COL4A5: variants seen among roughly 807,000 people sequenced by gnomAD.
COL4A5 encodes collagen type IV alpha 5 chain, also known as collagen alpha-5(IV) chain.
Under a neutral mutation model 130.2 loss-of-function variants are expected in COL4A5, and 26 were observed. That is an observed-to-expected ratio of 0.20 (90% CI 0.15 to 0.28). The LOEUF (loss-of-function observed/expected upper bound fraction) is 0.28. Among genes scored for constraint, COL4A5 ranks in the 10% least tolerant of loss-of-function variants. The pLI is 1.00. For synonymous variants in COL4A5, 496 were observed against 439.6 expected, an observed-to-expected ratio of 1.13 and a Z score of -1.60; for missense variants, 1,131 against 1,344.3, an observed-to-expected ratio of 0.84 and a Z score of 2.48.
intron 51 of COL4A5, 151 bp downstream of exon 51, chrX:108,695,072 A>AT: frequency 3.0e-6 from 2 of 669,084 alleles, no homozygotes; most frequent in East Asian, 6.9e-5. Flanking sequence ...CCCCTCACAC[A>AT]TTTTTTGTAA....
chrX:108,538,262 G>A (rs980897211), intron 1 of COL4A5, among the ~76,000 whole-genome samples: 2 of 111,889 alleles, frequency 1.8e-5, no homozygotes, highest in Non-Finnish European at 3.8e-5. Context: ...GTCTGAATAA[G>A]CCTATTTAAT....
At chrX:108,647,016 A>T (rs1227373506) in intron 36 of COL4A5, among the ~76,000 whole-genome samples, 1 of 111,123 alleles carries the variant, frequency 9.0e-6, no homozygotes, top group African/African-American at 3.3e-5. Flanking sequence ...AGGTAGCGTG[A>T]TGCCTCCATC....
Position 108,523,593 on chromosome X carries a change from T to C in COL4A5, c.82-16153T>C, listed in dbSNP as rs746170104. Among the ~76,000 whole-genome samples the C allele has an allele frequency of 2.7e-5, 3 of 112,065 alleles. No homozygotes were observed. In the Admixed American group the frequency reaches 2.8e-4, roughly 11 times the overall value. Reference sequence around the variant, plus strand: ...GGTTCCTTGCAATTCCCTATGAATTTCATGTCAGTTTTATGATCAGCTTTT... The same window carrying C: ...GGTTCCTTGCAATTCCCTATGAATTCCATGTCAGTTTTATGATCAGCTTTT... On this transcript the variant is annotated intron_variant, in intron 1 of 52. Coordinates refer to ENST00000328300, the MANE Select transcript of COL4A5 (RefSeq NM_033380.3).
At chrX:108,477,485 C>T (rs906055793) in intron 1 of COL4A5, among the ~76,000 whole-genome samples, 1 of 111,441 alleles carries the variant, frequency 9.0e-6, no homozygotes. Context: ...GATATTAGTA[C>T]AAGTGTGTAC....
At position 108,692,823 on chromosome X, in the gene COL4A5, T is replaced by G. The variant is rs1378577673; in HGVS notation, c.4604T>G (p.Phe1535Cys). Residue 1535 changes from phenylalanine (F) to cysteine (C), a missense_variant, in exon 50 of 53, where the codon TTT becomes TGT. Transcript: ENST00000328300. ...TGCAACATCAATAATGTTTGCAACT[T>G]TGCTTCAAGAAATGACTATTCTTAC... ...MFCNINNVCN[F>C]ASRNDYSYWL... 7.4e-6 allele frequency: 9 copies of G among 1,209,625 alleles called. No homozygotes were observed. Among genetic ancestry groups the G allele is most frequent in the Non-Finnish European group, 1.0e-5 (9 of 894,982 alleles).
chrX:108,581,130 G>A lies in COL4A5; in HGVS notation c.936+103G>A, dbSNP rs769239199. On this transcript the variant is annotated intron_variant, in intron 16 of 52. Coordinates refer to ENST00000328300, the MANE Select transcript of COL4A5 (RefSeq NM_033380.3). ...AGTATGACAAAAATTGTGGGGTCTG[G>A]AAATAGTTTAAATGAATTGAAATTA... The A allele has an allele frequency of 1.3e-3, 910 of 688,030 alleles. 2 individuals are homozygous for A. Among genetic ancestry groups the A allele is most frequent in the Non-Finnish European group, 1.8e-3 (766 of 428,921 alleles). 56.7% of individuals were successfully genotyped at this position (688,030 alleles called of 1,213,427 possible).
At chrX:108,475,543 A>C (rs1319201943) in intron 1 of COL4A5, among the ~76,000 whole-genome samples, 1 of 111,508 alleles carries the variant, frequency 9.0e-6, no homozygotes, top group Non-Finnish European at 1.9e-5. Flanking sequence ...GAAGGCATTC[A>C]GTCTGTTACC....
In COL4A5 at chrX:108,440,032, T is replaced by C; in HGVS notation, c.-94T>C. The C allele has an allele frequency of 4.5e-6, 3 of 664,222 alleles. No homozygotes were observed. Among genetic ancestry groups the C allele is most frequent in the Middle Eastern group, 3.2e-4 (1 of 3,160 alleles). 54.7% of individuals were successfully genotyped at this position (664,222 alleles called of 1,213,427 possible). ...CTCACTGTCCCTCTCCGGCTCTAGC[T>C]CTCTCCATATAAACCCTCAAGATTA... is the stretch of plus-strand genomic sequence containing the variant. On this transcript the variant is annotated 5_prime_UTR_variant, in exon 1 of 53. Transcript: ENST00000328300.
intron 1 of COL4A5, among the ~76,000 whole-genome samples, chrX:108,501,181 CTTA>C (rs1174216583): frequency 9.0e-6 from 1 of 111,000 alleles, no homozygotes; most frequent in Non-Finnish European, 1.9e-5. Context: ...GCAATATCTT[CTTA>C]TTTGCTATAA....
intron 1 of COL4A5, among the ~76,000 whole-genome samples, chrX:108,491,052 G>A (rs1012899163): frequency 8.9e-6 from 1 of 111,817 alleles, no homozygotes; most frequent in Admixed American, 9.5e-5. Context: ...AGTCTGTCAC[G>A]GATGGGGATT....
At chrX:108,570,186 G>A (rs1295899674) in intron 6 of COL4A5, among the ~76,000 whole-genome samples, 1 of 111,258 alleles carries the variant, frequency 9.0e-6, no homozygotes, top group Non-Finnish European at 1.9e-5. Flanking sequence ...AAAAATTTTG[G>A]ATTCATGAGG....
chrX:108,573,265 T>C (rs1441325337), intron 8 of COL4A5, among the ~76,000 whole-genome samples: 2 of 111,137 alleles, frequency 1.8e-5, no homozygotes, highest in African/African-American at 6.5e-5. Context: ...ACAGAGGCCT[T>C]GTTTATCTTC....
intron 47 of COL4A5, among the ~76,000 whole-genome samples, chrX:108,683,215 T>C (rs1330184681): frequency 9.0e-6 from 1 of 111,557 alleles, no homozygotes; most frequent in Non-Finnish European, 1.9e-5. Context: ...TGGGTGGCAT[T>C]ATTTCTGAGG....
chrX:108,674,635 C>CAT (rs1188872578), intron 42 of COL4A5, 110 bp from the exon 43 acceptor site: 38 of 757,141 alleles, frequency 5.0e-5, no homozygotes, highest in Non-Finnish European at 7.1e-5. Flanking sequence ...ATTGTTTTAA[C>CAT]TTGTACTATA....
chrX:108,603,288 G>C (rs1300076381), intron 28 of COL4A5, among the ~76,000 whole-genome samples: 3 of 97,504 alleles, frequency 3.1e-5, no homozygotes. Flanking sequence ...CCTAATTTCT[G>C]TACCTACTTT....
chrX:108,546,385 T>G (rs2065655434), intron 2 of COL4A5, among the ~76,000 whole-genome samples: 1 of 111,896 alleles, frequency 8.9e-6, no homozygotes, highest in South Asian at 3.7e-4. Context: ...TTTGGCTGGA[T>G]ATGAAATTCT....
At position 108,654,615 on chromosome X, in the gene COL4A5, T is replaced by C. The variant is rs887819927; in HGVS notation, c.3247-716T>C. Among the ~76,000 whole-genome samples, 4 of 112,127 alleles carry C rather than the reference T, an allele frequency of 3.6e-5. 1 individual carries two copies. The Admixed American group carries it at 3.8e-4, about 11-fold the overall frequency. On this transcript the variant is annotated intron_variant, in intron 36 of 52. Coordinates refer to ENST00000328300, the MANE Select transcript of COL4A5 (RefSeq NM_033380.3). ...CATGCACCACTACGCCCAGCTGATC[T>C]TTTTTATTTTTTGTAGAGACAGAGT...
chrX:108,555,620 C>T (rs1471934890), intron 2 of COL4A5, among the ~76,000 whole-genome samples: 2 of 111,067 alleles, frequency 1.8e-5, no homozygotes, highest in Non-Finnish European at 3.8e-5. Context: ...TTTTCCTATC[C>T]TCAGAATTCT....
chrX:108,595,528 C>A lies in COL4A5; in HGVS notation c.1443C>A (p.Cys481Ter). The change falls in exon 22 of 53, where the codon TGC (cysteine) becomes TGA (stop). Residue 481 changes from cysteine to a stop codon, truncating the protein, a stop_gained. Coordinates refer to ENST00000328300, the MANE Select transcript of COL4A5 (RefSeq NM_033380.3). LOFTEE classifies it high-confidence loss of function. ...CACTAGGTGACAAAGGTGACACTTG[C>A]TTCAACTGCATTGGAACTGGTATTT... Reference protein sequence around the residue: ...QGVKGDKGDTCFNCIGTGISG... With the variant: ...QGVKGDKGDT 8.3e-7 allele frequency: 1 copy of A among 1,212,032 alleles called. No individual in the cohort carries two copies. Among genetic ancestry groups the A allele is most frequent in the Non-Finnish European group, 1.1e-6 (1 of 895,454 alleles).
Sources: allele counts gnomAD v4.1 joint callset (sites outside exome capture counted in the v4.1 genomes callset), GRCh38; gene constraint gnomAD v4.1.1; transcripts MANE v1.5; gene names NCBI Gene and HGNC (gene_info 2026-07-23, HGNC 2026-07-21).